ME3: variants seen among roughly 807,000 people sequenced by gnomAD.
ME3 encodes NADP-dependent malic enzyme, mitochondrial.
Under a neutral mutation model 68.9 loss-of-function variants are expected in ME3, and 48 were observed. The ratio of observed to expected loss-of-function variants is 0.70; its 90% CI spans 0.55 to 0.89. The LOEUF (loss-of-function observed/expected upper bound fraction) is 0.89, where lower values mean the gene tolerates loss of function less well. Ranked by LOEUF, ME3 falls within the 40% of genes least tolerant of loss-of-function variation. ME3 has a pLI of 0.00. For missense variants in ME3, 675 were observed against 797.4 expected (o/e 0.85, Z 1.85); for synonymous variants, 320 against 318.8 (o/e 1.00, Z -0.04).
At chr11:86,667,062 C>G (rs1946630287) in intron 2 of ME3, among the ~76,000 whole-genome samples, 2 of 152,236 alleles carry the variant, frequency 1.3e-5, no homozygotes, top group Non-Finnish European at 2.9e-5. Flanking sequence ...CACTGCAGCA[C>G]TGTCCTTCAA....
At chr11:86,539,324 T>C (rs553351) in intron 4 of ME3, among the ~76,000 whole-genome samples, 54,207 of 151,838 alleles carry the variant, frequency 0.36, 9,896 homozygotes, top group African/African-American at 0.43. Context: ...AGGTTTAGAT[T>C]AAGAACCAAC....
At chr11:86,549,499 A>T (rs985196515) in intron 4 of ME3, among the ~76,000 whole-genome samples, 2 of 152,244 alleles carry the variant, frequency 1.3e-5, no homozygotes, top group African/African-American at 4.8e-5. Context: ...AATTCTTTCT[A>T]TATGACTGCT....
At chr11:86,571,698 G>C (rs1013446755) in intron 2 of ME3, among the ~76,000 whole-genome samples, 4 of 152,374 alleles carry the variant, frequency 2.6e-5, no homozygotes, top group Middle Eastern at 3.4e-3. Flanking sequence ...TCAGAACCCT[G>C]ACTTTGGGTC....
At chr11:86,546,269 A>C (rs908054018) in intron 4 of ME3, among the ~76,000 whole-genome samples, 2 of 152,214 alleles carry the variant, frequency 1.3e-5, no homozygotes, top group African/African-American at 4.8e-5. Context: ...AGACTTCATG[A>C]CTAAAACACC....
At chr11:86,611,459 T>C (rs1942566430) in intron 2 of ME3, among the ~76,000 whole-genome samples, 1 of 152,092 alleles carries the variant, frequency 6.6e-6, no homozygotes, top group Non-Finnish European at 1.5e-5. Context: ...AAAAGGTGGG[T>C]AACTATGTGA....
At position 86,441,331 on chromosome 11, in the gene ME3, G is replaced by A. The variant is rs978209508; in HGVS notation, c.1763C>T (p.Thr588Ile). 6.2e-7 allele frequency: 1 copy of A among 1,613,202 alleles called. No homozygotes were observed. The highest frequency in any genetic ancestry group is 1.3e-5 in the African/African-American group (1 of 74,908). The change falls in exon 15 of 15, where the codon ACA becomes ATA. Residue 588 changes from threonine (T) to isoleucine (I), a missense_variant. By Grantham distance (89) the Thr-to-Ile change is moderately conservative. Transcript: ENST00000543262. ...CTTGGGCCAAGTGTAGCTGTCCAGT[G>A]TAAAGGAGTCATAGTCTGGAGTGTA... is the stretch of plus-strand genomic sequence containing the variant.
chr11:86,498,147 C>CA (rs1471558757), intron 5 of ME3, 23 bp from the exon 6 acceptor site: 2 of 1,596,890 alleles, frequency 1.3e-6, no homozygotes, highest in Non-Finnish European at 1.7e-6. Flanking sequence ...AGGGCACCAT[C>CA]AATCAGGGAC....
At chr11:86,529,659 A>G (rs1422343777) in intron 4 of ME3, among the ~76,000 whole-genome samples, 2 of 152,248 alleles carry the variant, frequency 1.3e-5, no homozygotes, top group African/African-American at 4.8e-5. Context: ...CTTATCCACC[A>G]TGATCAAGTG....
chr11:86,642,166 G>C (rs1944711276), intron 2 of ME3, among the ~76,000 whole-genome samples: 1 of 152,186 alleles, frequency 6.6e-6, no homozygotes, highest in African/African-American at 2.4e-5. Context: ...CTAAAAAATA[G>C]AGCCAAGGAA....
chr11:86,637,967 T>TACACACACACACAC lies in ME3; in HGVS notation c.183+33781_183+33794dup, dbSNP rs5793205. On this transcript the variant is annotated intron_variant, in intron 2 of 14. Coordinates refer to ENST00000543262, the Ensembl canonical transcript of ME3. ...ATATATGTGCAGACATGCTCATGCA[T>TACACACACACACAC]ACACACACACACACACACACACACA... Among the ~76,000 whole-genome samples, 836 of 145,140 alleles carry TACACACACACACAC rather than the reference T, an allele frequency of 5.8e-3. 7 individuals carry two copies. Among genetic ancestry groups the TACACACACACACAC allele is most frequent in the African/African-American group, 0.017 (661 of 38,430 alleles).
At chr11:86,481,096 C>G (rs1329835937) in intron 7 of ME3, among the ~76,000 whole-genome samples, 8 of 152,016 alleles carry the variant, frequency 5.3e-5, no homozygotes, top group Non-Finnish European at 4.4e-5. Flanking sequence ...GGCTGGAGTG[C>G]AGCGATACCA....
intron 7 of ME3, among the ~76,000 whole-genome samples, chr11:86,471,434 G>A (rs1406407094): frequency 3.3e-5 from 5 of 151,588 alleles, no homozygotes; most frequent in Non-Finnish European, 7.4e-5. Context: ...ATCTTAAACT[G>A]TAACCTCTTT....
chr11:86,500,617 C>G (rs1952662465), intron 5 of ME3, among the ~76,000 whole-genome samples: 1 of 152,220 alleles, frequency 6.6e-6, no homozygotes, highest in Non-Finnish European at 1.5e-5. Context: ...AGAATAGAGT[C>G]CAAAATACTT....
downstream of ME3, among the ~76,000 whole-genome samples, chr11:86,437,753 A>G (rs910529823): frequency 6.6e-6 from 1 of 152,108 alleles, no homozygotes; most frequent in Non-Finnish European, 1.5e-5. Context: ...TTATTTTTAG[A>G]TCATTTGCTG....
intron 7 of ME3, among the ~76,000 whole-genome samples, chr11:86,474,918 A>G (rs1205504377): frequency 6.6e-6 from 1 of 152,228 alleles, no homozygotes; most frequent in Non-Finnish European, 1.5e-5. Flanking sequence ...TCTACTTCTG[A>G]CTTCTTGCCA....
intron 2 of ME3, among the ~76,000 whole-genome samples, chr11:86,633,806 G>T (rs552649561): frequency 6.6e-6 from 1 of 152,284 alleles, no homozygotes; most frequent in Non-Finnish European, 1.5e-5. Flanking sequence ...GCCTCATGGG[G>T]TCATTTGGGG....
intron 4 of ME3, among the ~76,000 whole-genome samples, chr11:86,536,264 C>T (rs565637425): frequency 1.3e-5 from 2 of 151,350 alleles, no homozygotes; most frequent in Non-Finnish European, 2.9e-5. Flanking sequence ...GCAATGGCAA[C>T]AAAAGACAAA....
chr11:86,599,295 G>C (rs538605870), intron 2 of ME3, among the ~76,000 whole-genome samples: 73 of 152,332 alleles, frequency 4.8e-4, no homozygotes, highest in African/African-American at 1.7e-3. Context: ...CGAGAACTAC[G>C]TGAAGAAGGC....
chr11:86,581,265 G>A (rs1346736573), intron 2 of ME3, among the ~76,000 whole-genome samples: 3 of 152,168 alleles, frequency 2.0e-5, no homozygotes, highest in African/African-American at 7.2e-5. Flanking sequence ...GTATGTATGT[G>A]TACTAGCTTG....
Sources: gnomAD v4.1 joint callset for allele counts (sites outside exome capture counted in the v4.1 genomes callset) on GRCh38, gnomAD v4.1.1 for gene constraint, MANE v1.5 for transcripts, NCBI Gene and HGNC (gene_info 2026-07-23, HGNC 2026-07-21) for gene names.